Variants in CLIC6 observed in about 807,000 individuals in gnomAD.
CLIC6 encodes CLIC family member 6, also known as chloride intracellular channel protein 6.
In CLIC6, 39 loss-of-function variants were observed where a neutral mutation model predicts 49.2. The observed-to-expected ratio is 0.79, with a 90% CI of 0.61 to 1.04. CLIC6 has a LOEUF of 1.04. CLIC6 is among the 50% of genes least tolerant of loss of function. The pLI is 0.00. For missense variants in CLIC6, 988 were observed against 993.1 expected (o/e 0.99, Z 0.07); for synonymous variants, 446 against 433.4 (o/e 1.03, Z -0.36).
At chr21:34,705,294 G>C (rs1238866453) in intron 1 of CLIC6, among the ~76,000 whole-genome samples, 1 of 152,128 alleles carries the variant, frequency 6.6e-6, no homozygotes, top group Non-Finnish European at 1.5e-5. Flanking sequence ...CAGCCACTGG[G>C]AGTTTTCTCT....
rs376492520 is a variant in CLIC6, at chr21:34,709,560, G to A, written c.1899+22G>A. 17 of 1,605,856 alleles carry A rather than the reference G, an allele frequency of 1.1e-5. No individual in the cohort carries two copies. The Admixed American group carries it at 1.5e-4, about 14-fold the overall frequency. On this transcript the variant is annotated intron_variant, in intron 5 of 5. Transcript: ENST00000349499. ...TAAGGTTCATCTTCCCTCCCGACAC[G>A]TGTGCCGAGTACACGAACGGGGCTT...
chr21:34,690,753 G>T (rs955509348), intron 1 of CLIC6, among the ~76,000 whole-genome samples: 1 of 150,914 alleles, frequency 6.6e-6, no homozygotes, highest in African/African-American at 2.4e-5. Context: ...ACAATTACAT[G>T]AAGCTGATTT....
chr21:34,692,738 T>A (rs907271556), intron 1 of CLIC6, among the ~76,000 whole-genome samples: 2 of 152,212 alleles, frequency 1.3e-5, no homozygotes, highest in South Asian at 4.1e-4. Flanking sequence ...TCTAGGCCTT[T>A]GGCCTCTTTA....
At chr21:34,715,866 T>C (rs1001268322) in intron 5 of CLIC6, among the ~76,000 whole-genome samples, 15 of 152,324 alleles carry the variant, frequency 9.8e-5, no homozygotes, top group African/African-American at 3.6e-4. Flanking sequence ...AGGATTAACA[T>C]GCACAGATGT....
chr21:34,706,266 G>A (rs2056013958), intron 1 of CLIC6, among the ~76,000 whole-genome samples: 1 of 152,264 alleles, frequency 6.6e-6, no homozygotes, highest in East Asian at 1.9e-4. Flanking sequence ...GAAGTGCCAC[G>A]TACTTTTCAA....
chr21:34,704,382 A>C (rs1002617068), intron 1 of CLIC6, among the ~76,000 whole-genome samples: 25 of 152,222 alleles, frequency 1.6e-4, no homozygotes, highest in African/African-American at 5.5e-4. Context: ...CCTCATTTAC[A>C]ACAGACTGAG....
chr21:34,670,427 C>T lies in CLIC6; in HGVS notation c.1039C>T (p.Pro347Ser). 6.8e-7 allele frequency: 1 copy of T among 1,461,424 alleles called. No individual in the cohort carries two copies. The highest frequency in any genetic ancestry group is 2.3e-4 in the Middle Eastern group (1 of 4,442). The allele number at this position is 1,461,424 out of a possible 1,614,324, so 90.5% of individuals were successfully genotyped here. The change falls in exon 1 of 6, where the codon CCC (proline) becomes TCC (serine). Residue 347 changes from proline to serine, a missense_variant. Around this residue, in one of 3 missense-constraint regions of CLIC6, gnomAD observed 647 missense variants for 596.9 expected, o/e 1.08. Coordinates refer to ENST00000349499, the MANE Select transcript of CLIC6 (RefSeq NM_053277.3). ...PGVKGSEEAA[P>S]GDARADAGED... ...GGTAAAGGGGTCCGAAGAAGCGGCC[C>T]CCGGGGACGCAAGGGCAGACGCTGG...
In CLIC6 at chr21:34,716,862, T is replaced by TCTCTCTCTCTCTCTCTCACACA; in HGVS notation, c.*381_*382insTCTCTCTCTCTCTCTCACACAC. 19 of 131,628 alleles carry TCTCTCTCTCTCTCTCTCACACA rather than the reference T, an allele frequency of 1.4e-4. No homozygotes were observed. Among genetic ancestry groups the TCTCTCTCTCTCTCTCTCACACA allele is most frequent in the African/African-American group, 5.8e-4 (18 of 31,208 alleles). 8.2% of individuals were successfully genotyped at this position (131,628 alleles called of 1,614,324 possible). On this transcript the variant is annotated 3_prime_UTR_variant, in exon 6 of 6. Coordinates refer to ENST00000349499, the MANE Select transcript of CLIC6 (RefSeq NM_053277.3). ...CTCTCTCTCTCTCTCTCTCTCTCTA[T>TCTCTCTCTCTCTCTCTCACACA]CACACACACACACACACACACACAC...
At chr21:34,691,841 G>A (rs1315998057) in intron 1 of CLIC6, among the ~76,000 whole-genome samples, 1 of 152,198 alleles carries the variant, frequency 6.6e-6, no homozygotes, top group African/African-American at 2.4e-5. Flanking sequence ...TTGACTACAG[G>A]TGGCTCTTGT....
At chr21:34,708,518 C>T (rs530806104) in intron 3 of CLIC6, among the ~76,000 whole-genome samples, 182 bp from the exon 4 acceptor site, 4 of 152,284 alleles carry the variant, frequency 2.6e-5, no homozygotes, top group South Asian at 2.1e-4. Flanking sequence ...CAAACCTCTC[C>T]GTCCAGTGCC....
At chr21:34,700,158 G>C (rs994656737) in intron 1 of CLIC6, among the ~76,000 whole-genome samples, 2 of 152,126 alleles carry the variant, frequency 1.3e-5, no homozygotes, top group Admixed American at 1.3e-4. Flanking sequence ...TTGCTTATCC[G>C]TGTTTGCAGC....
At chr21:34,707,541 C>T (rs2056024073) in intron 2 of CLIC6, 152 bp downstream of exon 2, 8 of 645,202 alleles carry the variant, frequency 1.2e-5, no homozygotes, top group South Asian at 1.9e-5. Context: ...ACATGTGGGC[C>T]AAGCAGTCAT....
Position 34,716,463 on chromosome 21 carries a change from T to C in CLIC6, c.2042T>C (p.Val681Ala), listed in dbSNP as rs757517803. ...GAGATTGAACACGCATATTCAGATG[T>C]TGCAAAAAGAATGAAATGAAGCTGG... Reference protein sequence around the residue: ...DQEIEHAYSDVAKRMK With the variant: ...DQEIEHAYSDAAKRMK Residue 681 changes from valine to alanine, a missense_variant, in exon 6 of 6, where the codon GTT becomes GCT. Physicochemically the swap from Val to Ala is moderately conservative, Grantham distance 64. This residue lies in a region of CLIC6 where 647 missense variants were observed against 596.9 expected (regional missense o/e 1.08). Coordinates refer to ENST00000349499, the MANE Select transcript of CLIC6 (RefSeq NM_053277.3). 43 of 1,609,984 alleles carry C rather than the reference T, an allele frequency of 2.7e-5. No homozygotes were observed. The highest frequency in any genetic ancestry group is 4.0e-5 in the African/African-American group (3 of 74,730).
At chr21:34,682,815 T>TC (rs1989805145) in intron 1 of CLIC6, among the ~76,000 whole-genome samples, 1 of 134,786 alleles carries the variant, frequency 7.4e-6, no homozygotes, top group Non-Finnish European at 1.6e-5. Context: ...TTTTTTTTTT[T>TC]TTTTTTTTTT....
chr21:34,678,850 T>G (rs76852940), intron 1 of CLIC6, among the ~76,000 whole-genome samples: 2,380 of 152,284 alleles, frequency 0.016, 68 homozygotes, highest in African/African-American at 0.055. Flanking sequence ...TAATGAGAAT[T>G]AAGTCTTCTT....
rs369182110 is a variant in CLIC6 at position 34,670,808 on chromosome 21, G to C, written c.1374+46G>C. 100 of 1,556,896 alleles carry C rather than the reference G, an allele frequency of 6.4e-5. 1 individual carries two copies. The African/African-American group carries it at 1.2e-3, about 19-fold the overall frequency. On this transcript the variant is annotated intron_variant, in intron 1 of 5. Coordinates refer to ENST00000349499, the MANE Select transcript of CLIC6 (RefSeq NM_053277.3). ...TTCTTAGGACGACCCCCTTCCATTC[G>C]AGGTCTTGGTCATCTCAGATCCCAG...
intron 5 of CLIC6, among the ~76,000 whole-genome samples, chr21:34,709,925 G>A (rs753681812): frequency 2.4e-4 from 37 of 152,142 alleles, no homozygotes; most frequent in Non-Finnish European, 1.2e-4. Context: ...GGTGATTGTA[G>A]GGCTCCACAT....
intron 1 of CLIC6, among the ~76,000 whole-genome samples, chr21:34,672,754 A>G (rs1307618126): frequency 1.3e-5 from 2 of 152,182 alleles, no homozygotes; most frequent in African/African-American, 2.4e-5. Flanking sequence ...TGGCTTTGCT[A>G]ATTTCTTGCC....
At chr21:34,710,427 T>C (rs1002885472) in intron 5 of CLIC6, among the ~76,000 whole-genome samples, 3 of 152,172 alleles carry the variant, frequency 2.0e-5, no homozygotes, top group African/African-American at 7.2e-5. Context: ...TTAAGAGCCA[T>C]GAGTCATGTA....
Sources: gnomAD v4.1 joint callset for allele counts (sites outside exome capture counted in the v4.1 genomes callset) on GRCh38, gnomAD v4.1.1 for gene constraint, gnomAD v4.1.1 regional missense constraint, MANE v1.5 for transcripts, NCBI Gene and HGNC (gene_info 2026-07-23, HGNC 2026-07-21) for gene names.